Variants in SP3 observed in about 807,000 individuals in gnomAD.
The protein encoded by SP3 is transcription factor Sp3.
A neutral mutation model predicts 70.3 loss-of-function variants in SP3; 10 were observed. The observed-to-expected ratio is 0.14, with a 90% CI of 0.09 to 0.24. SP3 has a LOEUF of 0.24. Ranked by LOEUF, SP3 falls within the 10% of genes least tolerant of loss-of-function variation. The pLI is 1.00. For missense variants in SP3, 825 were observed against 914.6 expected (o/e 0.90, Z 1.26); for synonymous variants, 402 against 333.5 (o/e 1.21, Z -2.24).
In SP3 at chr2:173,903,400, T is replaced by C. The variant is rs1424490702; in HGVS notation, c.*6541A>G. ...CAGAACTGGGAGACAAGCAAGCCCA[T>C]GTGTGTCTAAGTCCCAAACCTATGC... On this transcript the variant is annotated 3_prime_UTR_variant, in exon 7 of 7. Transcript: ENST00000310015. Among the ~76,000 whole-genome samples, 1 of 152,200 alleles carries C rather than the reference T, an allele frequency of 6.6e-6. No homozygotes were observed. The highest frequency in any genetic ancestry group is 1.5e-5 in the Non-Finnish European group (1 of 68,046).
intron 3 of SP3, among the ~76,000 whole-genome samples, chr2:173,959,524 G>A (rs1222290289): frequency 4.6e-5 from 7 of 152,104 alleles, no homozygotes; most frequent in Admixed American, 1.3e-4. Flanking sequence ...TCAGGAGTTT[G>A]AGACCCGTCT....
At chr2:173,939,817 T>C (rs1209133758) in intron 4 of SP3, among the ~76,000 whole-genome samples, 14 of 145,598 alleles carry the variant, frequency 9.6e-5, no homozygotes, top group Admixed American at 9.6e-4. Context: ...TTAAAAAGAT[T>C]AAAAATGTAA....
chr2:173,925,935 A>G (rs1165921713), intron 4 of SP3, among the ~76,000 whole-genome samples: 1 of 152,258 alleles, frequency 6.6e-6, no homozygotes, highest in Non-Finnish European at 1.5e-5. Context: ...ACAGCAGGAA[A>G]GTGATCTGCT....
chr2:173,938,149 T>C (rs79994915), intron 4 of SP3, among the ~76,000 whole-genome samples: 8,925 of 152,102 alleles, frequency 0.059, 581 homozygotes, highest in East Asian at 0.32. Context: ...AATTACAGAA[T>C]TGGTAGAGGT....
rs1553514302 is a variant in SP3, at chr2:173,903,630, AAC to A, written c.*6309_*6310del. ...AAGACCCAAACCTATTCTGAGTCCT[AAC>A]ACACAATGAAAATATACGTGACTTG... is the stretch of plus-strand genomic sequence containing the variant. On this transcript the variant is annotated 3_prime_UTR_variant, in exon 7 of 7. Transcript: ENST00000310015. 6.6e-6 allele frequency among the ~76,000 whole-genome samples: 1 copy of A among 152,242 alleles called. No homozygotes were observed. The highest frequency in any genetic ancestry group is 1.5e-5 in the Non-Finnish European group (1 of 68,044).
rs1322066200 is a variant in SP3 at position 173,909,774 on chromosome 2, C to CTA, written c.*165_*166dup. On this transcript the variant is annotated 3_prime_UTR_variant, in exon 7 of 7. Transcript: ENST00000310015. ...ATGCAATTTTACCATTTTTAATATA[C>CTA]TATGGAATATCATACAAAGTAAGGC... The CTA allele has an allele frequency of 7.3e-6, 4 of 548,658 alleles. No individual in the cohort carries two copies. The highest frequency in any genetic ancestry group is 1.3e-5 in the Non-Finnish European group (4 of 313,160). 34.0% of individuals were successfully genotyped at this position (548,658 alleles called of 1,614,324 possible).
At chr2:173,962,926 G>C (rs1427033842) in intron 3 of SP3, 2 of 152,094 alleles carry the variant, frequency 1.3e-5, no homozygotes. Context: ...TCCTCCCCTT[G>C]CCCAGACACT....
intron 4 of SP3, among the ~76,000 whole-genome samples, chr2:173,938,482 A>AAAAAAACAAAC (rs1328763265): frequency 6.7e-6 from 1 of 148,672 alleles, no homozygotes; most frequent in Admixed American, 6.7e-5. Flanking sequence ...AAAAAAAAAA[A>AAAAAAACAAAC]GCAACCAAAC....
rs990598861 is a variant in SP3 at position 173,903,031 on chromosome 2, T to A, written c.*6910A>T. Among the ~76,000 whole-genome samples the A allele has an allele frequency of 6.6e-6, 1 of 152,200 alleles. No individual in the cohort carries two copies. The highest frequency in any genetic ancestry group is 1.5e-5 in the Non-Finnish European group (1 of 68,014). On this transcript the variant is annotated 3_prime_UTR_variant, in exon 7 of 7. Transcript: ENST00000310015. ...TCTGTATTCTTGAAATGTTTCATAA[T>A]AAAAAAGGCACAATACGAATACTAG...
At chr2:173,943,451 C>A (rs1034195852) in intron 4 of SP3, among the ~76,000 whole-genome samples, 7 of 152,140 alleles carry the variant, frequency 4.6e-5, no homozygotes, top group African/African-American at 1.7e-4. Context: ...TTTAAAATAA[C>A]CACCATACTC....
intron 4 of SP3, among the ~76,000 whole-genome samples, chr2:173,954,605 G>T (rs765153240): frequency 6.6e-6 from 1 of 152,104 alleles, no homozygotes; most frequent in Non-Finnish European, 1.5e-5. Context: ...ATATCAATCA[G>T]ATGTCAAAAC....
At chr2:173,965,117 A>C (rs576396434) in intron 1 of SP3, 48 bp downstream of exon 1, 2 of 1,542,314 alleles carry the variant, frequency 1.3e-6, no homozygotes, top group East Asian at 5.0e-5. Flanking sequence ...GGTCGGCGGC[A>C]GCGGCGGCGG....
At chr2:173,963,381 A>T (rs1691149683) in intron 3 of SP3, 1 of 152,264 alleles carries the variant, frequency 6.6e-6, no homozygotes, top group Non-Finnish European at 1.5e-5. Context: ...AATAATAAAA[A>T]CTAAAGACAT....
At chr2:173,912,467 T>C (rs77641598) in intron 6 of SP3, among the ~76,000 whole-genome samples, 146 of 152,336 alleles carry the variant, frequency 9.6e-4, no homozygotes, top group Non-Finnish European at 1.4e-3. Flanking sequence ...TTTAATCATT[T>C]ACATGGTAGT....
chr2:173,964,844 C>T, intron 1 of SP3: 1 of 483,086 alleles, frequency 2.1e-6, no homozygotes, highest in Admixed American at 4.3e-5. Context: ...GCGCCGCTCG[C>T]TCTCACTCGC....
intron 4 of SP3, among the ~76,000 whole-genome samples, chr2:173,929,080 CCTTGATACATGCTTCCAGGCTCCA>C (rs1033877570): frequency 3.3e-5 from 5 of 152,094 alleles, no homozygotes; most frequent in African/African-American, 4.8e-5. Flanking sequence ...TCCAGGCTCC[CCTTGATACATGCTTCCAGGCTCCA>C]CTTGATACAT....
In SP3 at chr2:173,904,725, G is replaced by A. The variant is rs564132155; in HGVS notation, c.*5216C>T. The stretch of plus-strand genomic sequence containing the variant: ...GTCTGATTTCTGAACAGCTCCTCAC[G>A]GAAGGTGGCAGAAAGTAATGCTCAG... On this transcript the variant is annotated 3_prime_UTR_variant, in exon 7 of 7. Transcript: ENST00000310015. Among the ~76,000 whole-genome samples the A allele has an allele frequency of 8.5e-5, 13 of 152,298 alleles. No individual in the cohort carries two copies. The highest frequency in any genetic ancestry group is 4.1e-4 in the South Asian group (2 of 4,824).
Position 173,910,038 on chromosome 2 carries a change from G to A in SP3, c.2249C>T (p.Thr750Ile). 1 of 1,613,660 alleles carries A rather than the reference G, an allele frequency of 6.2e-7. No individual in the cohort carries two copies. The highest frequency in any genetic ancestry group is 8.5e-7 in the Non-Finnish European group (1 of 1,179,778). Residue 750 changes from threonine (T) to isoleucine (I), a missense_variant, in exon 7 of 7, where the codon ACT becomes ATT. By Grantham distance (89) the Thr-to-Ile change is moderately conservative. Coordinates refer to ENST00000310015, the MANE Select transcript of SP3 (RefSeq NM_003111.5). ...ATTGCTGGTGGCGGAAGTATTAACA[G>A]TTCCTATCCCTGAAACAGAACCTTG... ...IQQGSVSGIG[T>I]VNTSATSNQD...
intron 6 of SP3, among the ~76,000 whole-genome samples, chr2:173,911,795 G>A (rs928221445): frequency 9.7e-5 from 14 of 145,028 alleles, no homozygotes; most frequent in Non-Finnish European, 1.8e-4. Flanking sequence ...AGACTGCAAC[G>A]CAAAATCTTT....
Sources: gnomAD v4.1 joint callset for allele counts (sites outside exome capture counted in the v4.1 genomes callset) on GRCh38, gnomAD v4.1.1 for gene constraint, MANE v1.5 for transcripts, NCBI Gene and HGNC (gene_info 2026-07-23, HGNC 2026-07-21) for gene names.